MEGF11: variants seen among roughly 807,000 people sequenced by gnomAD.
The protein encoded by MEGF11 is multiple EGF like domains 11.
MEGF11 carries 126 observed loss-of-function variants against 146.6 expected under a neutral mutation model. That is an observed-to-expected ratio of 0.86 (90% CI 0.74 to 1.00). MEGF11 has a LOEUF of 1.00. Ranked by LOEUF, MEGF11 falls within the 50% of genes least tolerant of loss-of-function variation. MEGF11 has a pLI of 0.00. For missense variants in MEGF11, 1,509 were observed against 1,521.2 expected (o/e 0.99, Z 0.13); for synonymous variants, 532 against 583.4 (o/e 0.91, Z 1.27).
intron 5 of MEGF11, among the ~76,000 whole-genome samples, chr15:66,007,408 T>G (rs1279290700): frequency 6.6e-6 from 1 of 152,106 alleles, no homozygotes; most frequent in Non-Finnish European, 1.5e-5. Context: ...CAGGGAAAAG[T>G]TGAATAATTT....
Position 66,124,092 on chromosome 15 carries a change from C to A in MEGF11, c.99-92G>T, listed in dbSNP as rs1323994863. On this transcript the variant is annotated intron_variant, in intron 2 of 25. Coordinates refer to ENST00000395614, the MANE Select transcript of MEGF11 (RefSeq NM_001385028.1). ...GCATCTGAGCCCACAGCCCTGAGGCCAAGCTCCACAGCCAAGTGTCCGGAG... is the reference window on the plus strand; with the variant it reads ...GCATCTGAGCCCACAGCCCTGAGGCAAAGCTCCACAGCCAAGTGTCCGGAG... The A allele has an allele frequency of 8.1e-6, 8 of 991,504 alleles. No homozygotes were observed. The Admixed American group carries it at 1.1e-4, about 14-fold the overall frequency. The allele number at this position is 991,504 out of a possible 1,614,324, so 61.4% of individuals were successfully genotyped here.
At chr15:66,175,558 C>T (rs997118601) in intron 1 of MEGF11, among the ~76,000 whole-genome samples, 2 of 152,166 alleles carry the variant, frequency 1.3e-5, no homozygotes, top group Non-Finnish European at 2.9e-5. Context: ...GGGCCAAGAA[C>T]ATACAATGGG....
chr15:66,205,517 G>A (rs780720093), intron 1 of MEGF11, among the ~76,000 whole-genome samples: 3 of 152,122 alleles, frequency 2.0e-5, no homozygotes, highest in Non-Finnish European at 4.4e-5. Context: ...AGGCCAAGAG[G>A]GAAGCCCAGA....
At chr15:66,182,767 T>C (rs2090586645) in intron 1 of MEGF11, among the ~76,000 whole-genome samples, 1 of 152,184 alleles carries the variant, frequency 6.6e-6, no homozygotes, top group South Asian at 2.1e-4. Context: ...TCTTTCCACT[T>C]GCAAAATAAG....
At chr15:66,012,157 G>T (rs1053886176) in intron 5 of MEGF11, among the ~76,000 whole-genome samples, 4 of 152,092 alleles carry the variant, frequency 2.6e-5, no homozygotes, top group African/African-American at 9.7e-5. Flanking sequence ...CCAGGAATTT[G>T]AGACCAACCT....
chr15:66,193,141 T>G (rs2090924416), intron 1 of MEGF11, among the ~76,000 whole-genome samples: 1 of 152,226 alleles, frequency 6.6e-6, no homozygotes, highest in Non-Finnish European at 1.5e-5. Context: ...ATATACCATT[T>G]TAACATTTTG....
At chr15:66,150,242 G>A (rs1270632072) in intron 1 of MEGF11, among the ~76,000 whole-genome samples, 2 of 152,234 alleles carry the variant, frequency 1.3e-5, no homozygotes, top group Admixed American at 1.3e-4. Flanking sequence ...GGCGGGCATG[G>A]TGGGGTCCAG....
At chr15:66,208,153 T>C (rs1317476868) in intron 1 of MEGF11, among the ~76,000 whole-genome samples, 1 of 151,882 alleles carries the variant, frequency 6.6e-6, no homozygotes, top group Non-Finnish European at 1.5e-5. Flanking sequence ...TTGTATACTA[T>C]TGAAGTTAAG....
chr15:66,123,931 G>A lies in MEGF11; in HGVS notation c.168C>T (p.Asp56=), dbSNP rs777659725. Residue 56 remains aspartate (D), a synonymous_variant, in exon 3 of 26, where the codon GAC becomes GAT. Transcript: ENST00000395614. ...FDQIYYTRCT[D]ILNWFKCTRH... is the part of the protein sequence containing the mutation. ...TGGTGCACTTGAACCAGTTGAGGAT[G>A]TCTGTGCATCGTGTGTAATAGATCT... 5 of 1,614,016 alleles carry A rather than the reference G, an allele frequency of 3.1e-6. No individual in the cohort carries two copies. In the Admixed American group the frequency reaches 8.3e-5, roughly 27 times the overall value.
intron 5 of MEGF11, among the ~76,000 whole-genome samples, chr15:66,033,093 A>G (rs1056611668): frequency 1.3e-5 from 2 of 151,374 alleles, no homozygotes; most frequent in East Asian, 3.9e-4. Context: ...AAAAAAAAAA[A>G]AAAAAAAAAA....
At chr15:66,238,779 A>G (rs1298444621) in intron 1 of MEGF11, among the ~76,000 whole-genome samples, 1 of 150,852 alleles carries the variant, frequency 6.6e-6, no homozygotes, top group East Asian at 1.9e-4. Flanking sequence ...CTTCCCTAAC[A>G]CTCTTTTTTA....
chr15:66,036,295 C>A (rs2083723941), intron 5 of MEGF11, among the ~76,000 whole-genome samples: 1 of 152,248 alleles, frequency 6.6e-6, no homozygotes. Flanking sequence ...TCCTTTCTCC[C>A]TGCTCCCTCA....
intron 5 of MEGF11, among the ~76,000 whole-genome samples, chr15:66,053,728 T>A (rs1427494509): frequency 1.4e-5 from 2 of 139,494 alleles, no homozygotes; most frequent in East Asian, 2.1e-4. Context: ...TTTTTTTTTT[T>A]TTTTTTTTTT....
Position 66,193,957 on chromosome 15 carries a change from TA to T in MEGF11, c.-9+59647del, listed in dbSNP as rs373016875. Among the ~76,000 whole-genome samples, 1,166 of 152,196 alleles carry T rather than the reference TA, an allele frequency of 7.7e-3. 11 individuals are homozygous for T. Among genetic ancestry groups the T allele is most frequent in the Non-Finnish European group, 0.011 (781 of 67,986 alleles). On this transcript the variant is annotated intron_variant, in intron 1 of 25. Coordinates refer to ENST00000395614, the MANE Select transcript of MEGF11 (RefSeq NM_001385028.1). ...TCAGTGTGAAGAGTCTTTAAAGAAC[TA>T]AAAGTAGATCTACCATTTGATCCAG...
intron 5 of MEGF11, among the ~76,000 whole-genome samples, chr15:66,052,279 A>G (rs1363694462): frequency 6.6e-6 from 1 of 152,214 alleles, no homozygotes; most frequent in African/African-American, 2.4e-5. Context: ...TTCAGAGAAC[A>G]GCAGGATGGA....
chr15:66,142,336 C>T lies in MEGF11; in HGVS notation c.-8-13925G>A, dbSNP rs142005361. The stretch of plus-strand genomic sequence containing the variant: ...ACGGCTCTCAAGAAACAGCAGTAGC[C>T]GTGGCAACATCTTTGCATCAAAAAG... On this transcript the variant is annotated intron_variant, in intron 1 of 25. Coordinates refer to ENST00000395614, the MANE Select transcript of MEGF11 (RefSeq NM_001385028.1). Among the ~76,000 whole-genome samples, 858 of 152,298 alleles carry T rather than the reference C, an allele frequency of 5.6e-3. 5 individuals carry two copies. The highest frequency in any genetic ancestry group is 1.0e-2 in the Non-Finnish European group (679 of 68,030).
intron 4 of MEGF11, among the ~76,000 whole-genome samples, chr15:66,113,109 T>C (rs1388975902): frequency 5.9e-5 from 9 of 152,136 alleles, no homozygotes; most frequent in Admixed American, 5.9e-4. Context: ...CCTGACCCCC[T>C]GCCCAACCCC....
intron 1 of MEGF11, among the ~76,000 whole-genome samples, chr15:66,137,616 G>T (rs553125636): frequency 5.4e-5 from 8 of 149,286 alleles, no homozygotes; most frequent in Non-Finnish European, 7.4e-5. Flanking sequence ...GCGGTGGCAC[G>T]GTCACAGCTC....
chr15:66,114,713 G>C (rs1444286628), intron 4 of MEGF11, among the ~76,000 whole-genome samples: 1 of 144,410 alleles, frequency 6.9e-6, no homozygotes, highest in Non-Finnish European at 1.5e-5. Flanking sequence ...CATACCTGGT[G>C]ACCAAAGTGG....
Sources: gnomAD v4.1 joint callset for allele counts (sites outside exome capture counted in the v4.1 genomes callset) on GRCh38, gnomAD v4.1.1 for gene constraint, MANE v1.5 for transcripts, NCBI Gene and HGNC (gene_info 2026-07-23, HGNC 2026-07-21) for gene names.